CLNK: variants seen among roughly 807,000 people sequenced by gnomAD.
CLNK encodes the protein cytokine dependent hematopoietic cell linker.
A neutral mutation model predicts 68.6 loss-of-function variants in CLNK; 74 were observed. That is an observed-to-expected ratio of 1.08 (90% CI 0.89 to 1.31). The LOEUF is 1.31. Ranked by LOEUF, CLNK falls within the 50% of genes most tolerant of loss-of-function variation. CLNK has a pLI of 0.00. For synonymous variants in CLNK, 198 were observed against 172.2 expected (o/e 1.15, Z -1.17); for missense variants, 553 against 515.3 (o/e 1.07, Z -0.71).
In CLNK at chr4:10,540,503, C is replaced by G; in HGVS notation, c.593G>C (p.Arg198Thr). 1.2e-6 allele frequency: 2 copies of G among 1,611,254 alleles called. No homozygotes were observed. Among genetic ancestry groups the G allele is most frequent in the Non-Finnish European group, 1.7e-6 (2 of 1,177,430 alleles). The change falls in exon 11 of 19, where the codon AGA becomes ACA. Residue 198 changes from arginine (R) to threonine (T), a missense_variant. Arg to Thr is a moderately conservative substitution (Grantham distance 71). Transcript: ENST00000226951. Reference protein sequence around the residue: ...SQRHTFPEVQRMPSQISLRDL... With the variant: ...SQRHTFPEVQTMPSQISLRDL... ...ATGATGAATCTCTCACCTGGGCATT[C>G]TCTGGACTTCTGGAAAGGTGTGTCT...
chr4:10,548,130 C>G (rs368619338), intron 8 of CLNK, among the ~76,000 whole-genome samples: 3 of 152,176 alleles, frequency 2.0e-5, no homozygotes, highest in African/African-American at 7.2e-5. Flanking sequence ...TCGCTTTTCT[C>G]CATATTCTTG....
chr4:10,731,550 A>C, the CLNK span, among the ~76,000 whole-genome samples: 1 of 152,218 alleles, frequency 6.6e-6, no homozygotes, highest in African/African-American at 2.4e-5. Context: ...ACTCTCTTTC[A>C]TCTGTTAAGA....
chr4:10,524,945 C>T (rs888063427), intron 14 of CLNK, among the ~76,000 whole-genome samples: 6 of 152,168 alleles, frequency 3.9e-5, no homozygotes, highest in Non-Finnish European at 7.3e-5. Flanking sequence ...GAACTGAGGT[C>T]AGAGCCACTG....
intron 2 of CLNK, among the ~76,000 whole-genome samples, chr4:10,613,160 CAG>C (rs1722097437): frequency 6.6e-6 from 1 of 152,016 alleles, no homozygotes; most frequent in Non-Finnish European, 1.5e-5. Flanking sequence ...TAACAGTAAA[CAG>C]AATGAATCAG....
rs149582615 is a variant in CLNK, at chr4:10,589,035, C to T, written c.84-4080G>A. Among the ~76,000 whole-genome samples the T allele has an allele frequency of 1.6e-3, 242 of 152,100 alleles. 1 individual carries two copies. The highest frequency in any genetic ancestry group is 2.7e-3 in the Admixed American group (42 of 15,282). ...TGGACAGCATAGTGCCTACACCTAACGGTACTATATCATATAATTGAATTT... is the reference window on the plus strand; with the variant it reads ...TGGACAGCATAGTGCCTACACCTAATGGTACTATATCATATAATTGAATTT... On this transcript the variant is annotated intron_variant, in intron 3 of 18. Transcript: ENST00000226951.
At chr4:10,606,149 A>G (rs1721778634) in intron 2 of CLNK, among the ~76,000 whole-genome samples, 1 of 152,230 alleles carries the variant, frequency 6.6e-6, no homozygotes. Flanking sequence ...GTACGAAGAT[A>G]CTTGTTATAT....
chr4:10,545,341 C>T lies in CLNK; in HGVS notation c.446-3061G>A, dbSNP rs539200874. ...GAGGCAAGAAGAAAGGGATAACAGG[C>T]CCCACCCAAGACTGAAACCCAAGAA... On this transcript the variant is annotated intron_variant, in intron 8 of 18. Transcript: ENST00000226951. 3.3e-5 allele frequency among the ~76,000 whole-genome samples: 5 copies of T among 152,286 alleles called. No homozygotes were observed. In the East Asian group the frequency reaches 9.7e-4, roughly 29 times the overall value.
intron 2 of CLNK, among the ~76,000 whole-genome samples, chr4:10,618,113 G>A (rs985115149): frequency 1.3e-5 from 2 of 151,966 alleles, no homozygotes; most frequent in African/African-American, 4.8e-5. Context: ...AGCCTCAGAC[G>A]GAAAACAACC....
In CLNK at chr4:10,613,418, C is replaced by T. The variant is rs144163858; in HGVS notation, c.12-15369G>A. Among the ~76,000 whole-genome samples, 34 of 152,260 alleles carry T rather than the reference C, an allele frequency of 2.2e-4. No individual in the cohort carries two copies. In the East Asian group the frequency reaches 6.2e-3, roughly 28 times the overall value. On this transcript the variant is annotated intron_variant, in intron 2 of 18. Coordinates refer to ENST00000226951, the MANE Select transcript of CLNK (RefSeq NM_052964.4). The stretch of plus-strand genomic sequence containing the variant: ...AGTTGAATCAAGGTAATGAGGTCCA[C>T]GTGGCTGAACTGGAATGCCTGCAGG...
intron 2 of CLNK, among the ~76,000 whole-genome samples, chr4:10,666,345 C>G (rs1486481339): frequency 2.0e-5 from 3 of 152,232 alleles, no homozygotes; most frequent in Admixed American, 2.0e-4. Flanking sequence ...TTTGTCTATC[C>G]TATAATGAAA....
At chr4:10,553,687 C>T (rs1218980290) in intron 8 of CLNK, among the ~76,000 whole-genome samples, 1 of 152,194 alleles carries the variant, frequency 6.6e-6, no homozygotes, top group Non-Finnish European at 1.5e-5. Context: ...CTCCTAACCT[C>T]ACGTGATCCG....
the CLNK span, among the ~76,000 whole-genome samples, chr4:10,694,951 C>T: frequency 3.3e-5 from 5 of 152,106 alleles, no homozygotes; most frequent in Non-Finnish European, 7.4e-5. Flanking sequence ...AAGTTATTTC[C>T]ATATCTTGCC....
intron 3 of CLNK, among the ~76,000 whole-genome samples, chr4:10,595,076 C>T (rs13147376): frequency 0.72 from 109,398 of 152,016 alleles, 40,028 homozygotes; most frequent in East Asian, 0.85. Flanking sequence ...AGTGAAACCC[C>T]GTCTCAAAAA....
chr4:10,665,649 C>T (rs1001542378), intron 2 of CLNK, among the ~76,000 whole-genome samples: 18 of 115,836 alleles, frequency 1.6e-4, no homozygotes, highest in Non-Finnish European at 2.0e-4. Flanking sequence ...GGTGACAGAG[C>T]AAGACTTCGT....
At chr4:10,495,559 G>T (rs559995954) in intron 18 of CLNK, among the ~76,000 whole-genome samples, 1 of 152,174 alleles carries the variant, frequency 6.6e-6, no homozygotes, top group East Asian at 1.9e-4. Context: ...GGTGCTAAAT[G>T]ATTCCCCCCA....
At chr4:10,613,275 A>G (rs1722100970) in intron 2 of CLNK, among the ~76,000 whole-genome samples, 1 of 152,274 alleles carries the variant, frequency 6.6e-6, no homozygotes, top group African/African-American at 2.4e-5. Flanking sequence ...GGGTATGAAT[A>G]GTCCTTGGGG....
chr4:10,526,004 T>C (rs1718303548), intron 13 of CLNK, 82 bp from the exon 14 acceptor site: 6 of 754,484 alleles, frequency 8.0e-6, no homozygotes, highest in South Asian at 1.7e-5. Flanking sequence ...GGAACTACTA[T>C]AATTTCCTCC....
intron 7 of CLNK, among the ~76,000 whole-genome samples, chr4:10,559,435 T>C (rs1719803117): frequency 6.6e-6 from 1 of 152,186 alleles, no homozygotes; most frequent in Admixed American, 6.5e-5. Flanking sequence ...CACCATCAGC[T>C]TTCAATTTCT....
At chr4:10,562,104 T>TTC (rs1553851065) in intron 7 of CLNK, among the ~76,000 whole-genome samples, 7 of 144,268 alleles carry the variant, frequency 4.9e-5, no homozygotes, top group Admixed American at 4.1e-4. Flanking sequence ...TTCTTTTCTT[T>TTC]TTTTTTTTTT....
Sources: allele counts gnomAD v4.1 joint callset (sites outside exome capture counted in the v4.1 genomes callset), GRCh38; gene constraint gnomAD v4.1.1; transcripts MANE v1.5; gene names NCBI Gene and HGNC (gene_info 2026-07-23, HGNC 2026-07-21).